OXR1: variants seen among roughly 807,000 people sequenced by gnomAD.
OXR1 encodes the protein oxidation resistance 1.
A neutral mutation model predicts 104.6 loss-of-function variants in OXR1; 41 were observed. The ratio of observed to expected loss-of-function variants is 0.39; its 90% confidence interval spans 0.31 to 0.51. The LOEUF is 0.51. Among genes scored for constraint, OXR1 ranks in the 20% least tolerant of loss-of-function variants. OXR1 has a pLI of 0.77. For synonymous variants in OXR1, 348 were observed against 348.4 expected, an observed-to-expected ratio of 1.00 and a Z score of 0.01; for missense variants, 955 against 1,031.9, an observed-to-expected ratio of 0.93 and a Z score of 1.02.
intron 2 of OXR1, among the ~76,000 whole-genome samples, chr8:106,512,949 A>G (rs1164565642): frequency 6.6e-6 from 1 of 152,218 alleles, no homozygotes; most frequent in East Asian, 1.9e-4. Context: ...AGTGAGCAGT[A>G]TAAAGCCACA....
At chr8:106,488,546 T>C (rs1249075190) in intron 2 of OXR1, among the ~76,000 whole-genome samples, 1 of 152,228 alleles carries the variant, frequency 6.6e-6, no homozygotes, top group African/African-American at 2.4e-5. Flanking sequence ...CTAGGGATTT[T>C]ATGGTTTTAG....
intron 2 of OXR1, among the ~76,000 whole-genome samples, chr8:106,423,319 G>A (rs1818978001): frequency 2.0e-5 from 3 of 152,054 alleles, no homozygotes; most frequent in African/African-American, 7.2e-5. Context: ...ATATTTGTTC[G>A]AAAATGCAGT....
intron 7 of OXR1, chr8:106,698,042 C>G: frequency 6.5e-7 from 1 of 1,532,376 alleles, no homozygotes; most frequent in Non-Finnish European, 9.0e-7. Flanking sequence ...CTGCGGGGAG[C>G]GTTCAAACGG....
intron 3 of OXR1, among the ~76,000 whole-genome samples, chr8:106,676,281 T>C (rs1301755148): frequency 1.3e-5 from 2 of 152,178 alleles, no homozygotes; most frequent in African/African-American, 4.8e-5. Context: ...ACTCCGTCTT[T>C]TCATTGGGAC....
At chr8:106,717,289 A>C (rs1312263600) in intron 11 of OXR1, among the ~76,000 whole-genome samples, 2 of 152,338 alleles carry the variant, frequency 1.3e-5, no homozygotes, top group East Asian at 3.9e-4. Flanking sequence ...TTAAAACAGG[A>C]AGAATTTGGC....
intron 1 of OXR1, among the ~76,000 whole-genome samples, chr8:106,336,621 C>T: frequency 6.6e-6 from 1 of 152,200 alleles, no homozygotes; most frequent in East Asian, 1.9e-4. Context: ...GGTGGAGTGT[C>T]TTGCCCCCTC....
chr8:106,731,698 T>C (rs1833908850), intron 11 of OXR1, among the ~76,000 whole-genome samples: 1 of 152,186 alleles, frequency 6.6e-6, no homozygotes, highest in African/African-American at 2.4e-5. Flanking sequence ...CAGTTGACTG[T>C]ATTTATGTGG....
chr8:106,506,970 T>G (rs1812206709), intron 2 of OXR1, among the ~76,000 whole-genome samples: 2 of 151,756 alleles, frequency 1.3e-5, no homozygotes, highest in South Asian at 2.1e-4. Flanking sequence ...GCCCCTGTAG[T>G]CCCAGGTCCT....
At chr8:106,588,436 T>C (rs1449442427) in intron 3 of OXR1, among the ~76,000 whole-genome samples, 1 of 151,834 alleles carries the variant, frequency 6.6e-6, no homozygotes. Context: ...AGGAGGAAAA[T>C]GTTCATTGGT....
intron 2 of OXR1, among the ~76,000 whole-genome samples, chr8:106,501,422 G>T (rs957200445): frequency 1.8e-4 from 27 of 152,294 alleles, no homozygotes; most frequent in African/African-American, 6.3e-4. Flanking sequence ...TATGGTGAGT[G>T]GTTTAGAATC....
intron 1 of OXR1, among the ~76,000 whole-genome samples, chr8:106,295,709 C>T (rs755771220): frequency 1.3e-4 from 20 of 152,096 alleles, no homozygotes; most frequent in Non-Finnish European, 2.8e-4. Flanking sequence ...TGTGAAGCTA[C>T]GGTGTTTTCC....
chr8:106,485,815 A>G (rs1356373855), intron 2 of OXR1, among the ~76,000 whole-genome samples: 1 of 152,100 alleles, frequency 6.6e-6, no homozygotes, highest in Non-Finnish European at 1.5e-5. Flanking sequence ...GATAACATGG[A>G]TGAACCTGGA....
At chr8:106,483,953 T>C (rs1822291789) in intron 2 of OXR1, among the ~76,000 whole-genome samples, 1 of 152,172 alleles carries the variant, frequency 6.6e-6, no homozygotes, top group Admixed American at 6.6e-5. Context: ...GAATCACTTG[T>C]TAGTCTCTCA....
chr8:106,595,748 A>C (rs1472808003), intron 3 of OXR1, among the ~76,000 whole-genome samples: 1 of 152,110 alleles, frequency 6.6e-6, no homozygotes, highest in Non-Finnish European at 1.5e-5. Flanking sequence ...ATAGAGATGC[A>C]GCATATCCCA....
chr8:106,404,682 G>T (rs1238297035), intron 2 of OXR1, among the ~76,000 whole-genome samples: 2 of 151,924 alleles, frequency 1.3e-5, no homozygotes, highest in East Asian at 3.9e-4. Flanking sequence ...GTATCAGAAG[G>T]TATTATATGC....
At chr8:106,733,989 ATTT>A (rs34442106) in intron 11 of OXR1, among the ~76,000 whole-genome samples, 10 of 140,650 alleles carry the variant, frequency 7.1e-5, no homozygotes, top group Admixed American at 1.4e-4. Flanking sequence ...TTAATTCTGG[ATTT>A]TTTTTTTTTT....
intron 3 of OXR1, among the ~76,000 whole-genome samples, chr8:106,638,904 A>C (rs1823386720): frequency 7.7e-6 from 1 of 129,472 alleles, no homozygotes; most frequent in Non-Finnish European, 1.6e-5. Context: ...AAAAAAAAAA[A>C]AAAAACCTAT....
chr8:106,626,479 A>C (rs1157471799), intron 3 of OXR1, among the ~76,000 whole-genome samples: 4 of 151,246 alleles, frequency 2.6e-5, no homozygotes, highest in Non-Finnish European at 4.4e-5. Context: ...ATATTTTTAC[A>C]TTAATGTAAT....
intron 2 of OXR1, among the ~76,000 whole-genome samples, chr8:106,459,049 G>C (rs954843404): frequency 6.6e-6 from 1 of 152,112 alleles, no homozygotes; most frequent in Non-Finnish European, 1.5e-5. Flanking sequence ...TTTTGGGACT[G>C]CTGGGATGGA....
Sources: gnomAD v4.1 joint callset for allele counts (sites outside exome capture counted in the v4.1 genomes callset) on GRCh38, gnomAD v4.1.1 for gene constraint, MANE v1.5 for transcripts, NCBI Gene and HGNC (gene_info 2026-07-23, HGNC 2026-07-21) for gene names.